Variants in HIP1 observed in about 807,000 individuals in gnomAD.
The protein encoded by HIP1 is huntingtin interacting protein 1.
HIP1 carries 65 observed loss-of-function variants against 147.6 expected under a neutral mutation model. The ratio of observed to expected loss-of-function variants is 0.44; its 90% CI spans 0.36 to 0.54. The LOEUF is 0.54. Among genes scored for constraint, HIP1 ranks in the 20% least tolerant of loss-of-function variants. The probability of loss-of-function intolerance (pLI) is 0.00; values close to 1 mark genes in which losing one functional copy is unlikely to be tolerated. For missense variants in HIP1, 1,061 were observed against 1,299.6 expected (o/e 0.82, Z 2.82); for synonymous variants, 479 against 504.0 (o/e 0.95, Z 0.67).
At position 75,682,551 on chromosome 7, in the gene HIP1, TG is replaced by T. The variant is rs553473904; in HGVS notation, c.120+56249del. 4.4e-3 allele frequency among the ~76,000 whole-genome samples: 658 copies of T among 151,174 alleles called. 2 individuals carry two copies. Among genetic ancestry groups the T allele is most frequent in the Non-Finnish European group, 7.7e-3 (523 of 67,934 alleles). On this transcript the variant is annotated intron_variant, in intron 1 of 30. Transcript: ENST00000336926. ...CTGAGATGACGGGATTGAGCCACGG[TG>T]CCTGGCCAACATCCTCATTTTACAG...
intron 15 of HIP1, among the ~76,000 whole-genome samples, 165 bp downstream of exon 15, chr7:75,558,002 A>C (rs782216669): frequency 1.3e-5 from 2 of 152,226 alleles, no homozygotes; most frequent in Non-Finnish European, 2.9e-5. Flanking sequence ...ACACAGCCCA[A>C]GACACAGAGG....
intron 18 of HIP1, 35 bp from the exon 19 acceptor site, chr7:75,555,586 A>G (rs781940724): frequency 1.9e-6 from 3 of 1,613,092 alleles, no homozygotes; most frequent in Non-Finnish European, 2.5e-6. Context: ...AGTCTGCCCT[A>G]GACTCCATAA....
chr7:75,604,525 G>T (rs1340977380), intron 1 of HIP1, among the ~76,000 whole-genome samples: 1 of 152,096 alleles, frequency 6.6e-6, no homozygotes, highest in Non-Finnish European at 1.5e-5. Context: ...TATTAGCTGG[G>T]TATGGTGGCA....
chr7:75,700,556 C>T (rs797025569), intron 1 of HIP1, among the ~76,000 whole-genome samples: 1 of 152,040 alleles, frequency 6.6e-6, no homozygotes, highest in Non-Finnish European at 1.5e-5. Flanking sequence ...TACAGTGAGT[C>T]CTGAAAAACA....
At chr7:75,651,653 G>A (rs1254945087) in intron 1 of HIP1, among the ~76,000 whole-genome samples, 1 of 151,840 alleles carries the variant, frequency 6.6e-6, no homozygotes, top group South Asian at 2.1e-4. Context: ...GGCCCTGGGC[G>A]GCAACCCTGG....
At chr7:75,596,100 A>G (rs1796731978) in intron 2 of HIP1, among the ~76,000 whole-genome samples, 2 of 152,052 alleles carry the variant, frequency 1.3e-5, no homozygotes, top group African/African-American at 4.8e-5. Flanking sequence ...GCATGATGGC[A>G]TGTGCCTATA....
At chr7:75,622,875 ATCTATCTATCTATCTATC>A (rs1554507393) in intron 1 of HIP1, among the ~76,000 whole-genome samples, 2 of 145,802 alleles carry the variant, frequency 1.4e-5, no homozygotes, top group African/African-American at 5.1e-5. Flanking sequence ...CTATCTATCT[ATCTATCTATCTATCTATC>A]TATATATTTT....
chr7:75,547,957 G>C (rs587601519), intron 23 of HIP1, 144 bp from the exon 24 acceptor site: 3 of 756,228 alleles, frequency 4.0e-6, no homozygotes, highest in African/African-American at 3.4e-5. Flanking sequence ...ATTCTTGAGA[G>C]AGTCAGAAAA....
chr7:75,604,272 C>G (rs987863483), intron 1 of HIP1, among the ~76,000 whole-genome samples: 3 of 152,132 alleles, frequency 2.0e-5, no homozygotes, highest in African/African-American at 4.8e-5. Context: ...GACAAGAAAC[C>G]CAAATCTGTA....
At position 75,562,989 on chromosome 7, in the gene HIP1, G is replaced by A; in HGVS notation, c.966C>T (p.Asp322=). 1 of 1,614,232 alleles carries A rather than the reference G, an allele frequency of 6.2e-7. No individual in the cohort carries two copies. The change falls in exon 11 of 31, where the codon GAC becomes GAT. Residue 322 remains aspartate (D), a synonymous_variant. Transcript: ENST00000336926. The part of the protein sequence containing the change: ...VVIPAEASSP[D]SEPVLEKDDL... The stretch of plus-strand genomic sequence containing the variant: ...CATCCTTCTCTAGGACTGGCTCGCT[G>A]TCGGGGGATGAGGCCTCTGCAGGGA...
intron 1 of HIP1, among the ~76,000 whole-genome samples, chr7:75,675,648 T>C (rs1160236055): frequency 6.6e-6 from 1 of 152,178 alleles, no homozygotes; most frequent in Non-Finnish European, 1.5e-5. Context: ...TTTTTAGACA[T>C]GGTTTTCTTT....
chr7:75,684,208 A>G (rs1274870927), intron 1 of HIP1, among the ~76,000 whole-genome samples: 1 of 152,102 alleles, frequency 6.6e-6, no homozygotes, highest in African/African-American at 2.4e-5. Flanking sequence ...GCACTTTGGG[A>G]GGCCAAGGTA....
chr7:75,552,034 C>T (rs949932467), intron 22 of HIP1, among the ~76,000 whole-genome samples: 9 of 151,570 alleles, frequency 5.9e-5, no homozygotes, highest in Middle Eastern at 3.2e-3. Context: ...GGATTACAGG[C>T]GCCTACCATC....
intron 1 of HIP1, among the ~76,000 whole-genome samples, chr7:75,624,345 C>T (rs1263936910): frequency 8.5e-5 from 13 of 152,148 alleles, no homozygotes; most frequent in South Asian, 2.1e-4. Context: ...ACGGCTGTGA[C>T]GTGACTTCCT....
At chr7:75,558,950 T>C (rs1359602161) in intron 14 of HIP1, among the ~76,000 whole-genome samples, 3 of 151,826 alleles carry the variant, frequency 2.0e-5, no homozygotes, top group Non-Finnish European at 2.9e-5. Flanking sequence ...ACCTGGGAGG[T>C]AGAGGTTGCA....
At chr7:75,549,464 G>A (rs1482198718) in intron 22 of HIP1, among the ~76,000 whole-genome samples, 2 of 148,236 alleles carry the variant, frequency 1.3e-5, no homozygotes, top group Non-Finnish European at 3.0e-5. Context: ...TCCGCCTCCC[G>A]GGCTCAAGGG....
At chr7:75,701,902 G>T (rs2117327835) in intron 1 of HIP1, among the ~76,000 whole-genome samples, 1 of 151,908 alleles carries the variant, frequency 6.6e-6, no homozygotes, top group South Asian at 2.1e-4. Context: ...GCCAGGTATG[G>T]CTGTCCTCAC....
intron 15 of HIP1, 40 bp downstream of exon 15, chr7:75,558,127 G>T: frequency 6.5e-7 from 1 of 1,528,976 alleles, no homozygotes; most frequent in Non-Finnish European, 9.1e-7. Flanking sequence ...CCCTAGAGGT[G>T]CAGGGCCTGC....
rs587682358 is a variant in HIP1 at position 75,568,327 on chromosome 7, G to A, written c.746-71C>T. On this transcript the variant is annotated intron_variant, in intron 8 of 30. Coordinates refer to ENST00000336926, the MANE Select transcript of HIP1 (RefSeq NM_005338.7). This position sits in a 1 kb window ranked among gnomAD's most constrained non-coding sequence, Gnocchi z 4.1. ...GCAGGGAAGCCACAGCGGGGCTCTC[G>A]AGGGGGAGGGGCCCAGCTACCCTGG... 1.0e-6 allele frequency: 1 copy of A among 979,054 alleles called. No homozygotes were observed. The highest frequency in any genetic ancestry group is 1.7e-6 in the Non-Finnish European group (1 of 601,720). 60.6% of individuals were successfully genotyped at this position (979,054 alleles called of 1,614,324 possible). A position where few individuals can be genotyped will look rare whatever the true frequency, so the allele number is the denominator to read the frequency against.
Sources: allele counts gnomAD v4.1 joint callset (sites outside exome capture counted in the v4.1 genomes callset), GRCh38; gene constraint gnomAD v4.1.1; non-coding constraint Gnocchi (gnomAD v3.1); transcripts MANE v1.5; gene names NCBI Gene and HGNC (gene_info 2026-07-23, HGNC 2026-07-21).